TEX9: variants seen among roughly 807,000 people sequenced by gnomAD.
TEX9 encodes testis-expressed protein 9.
In TEX9, 74 loss-of-function variants were observed where a neutral mutation model predicts 59.6. That is an observed-to-expected ratio of 1.24 (90% CI 1.03 to 1.51). The LOEUF (loss-of-function observed/expected upper bound fraction) is 1.51, where lower values mean the gene tolerates loss of function less well. Ranked by LOEUF, TEX9 falls within the 40% of genes most tolerant of loss-of-function variation. TEX9 has a pLI of 0.00. For synonymous variants in TEX9, 186 were observed against 152.2 expected, an observed-to-expected ratio of 1.22 and a Z score of -1.64; for missense variants, 522 against 447.8, an observed-to-expected ratio of 1.17 and a Z score of -1.49.
intron 5 of TEX9, among the ~76,000 whole-genome samples, chr15:56,388,796 T>C (rs779278370): frequency 3.9e-5 from 6 of 151,984 alleles, no homozygotes; most frequent in Non-Finnish European, 8.8e-5. Flanking sequence ...TCCTGACGCT[T>C]AAATCTAGTA....
At chr15:56,247,815 CCTT>C (rs1202972919) in intron 1 of TEX9, among the ~76,000 whole-genome samples, 1 of 152,202 alleles carries the variant, frequency 6.6e-6, no homozygotes, top group Non-Finnish European at 1.5e-5. Context: ...ACCCTGTTCT[CCTT>C]CTTTCCCAAC....
chr15:56,401,320 A>C (rs1403286979), intron 9 of TEX9, among the ~76,000 whole-genome samples: 3 of 150,052 alleles, frequency 2.0e-5, no homozygotes, highest in African/African-American at 2.4e-5. Flanking sequence ...AAAAAAAAAA[A>C]AAAAAAAAAA....
intron 2 of TEX9, among the ~76,000 whole-genome samples, chr15:56,373,109 A>G (rs2047264749): frequency 1.3e-5 from 2 of 152,228 alleles, no homozygotes; most frequent in African/African-American, 2.4e-5. Context: ...CATTCTTTGC[A>G]GGTAGGCTAA....
intron 1 of TEX9, among the ~76,000 whole-genome samples, chr15:56,336,707 G>A (rs546351143): frequency 6.6e-6 from 1 of 152,296 alleles, no homozygotes; most frequent in South Asian, 2.1e-4. Flanking sequence ...TTGAATTGCA[G>A]TACAGTTGCA....
At chr15:56,305,410 G>C (rs1033031446) in intron 1 of TEX9, among the ~76,000 whole-genome samples, 1 of 152,024 alleles carries the variant, frequency 6.6e-6, no homozygotes, top group Non-Finnish European at 1.5e-5. Flanking sequence ...AAACAGCATG[G>C]TACCTGCAAA....
Position 56,270,467 on chromosome 15 carries a change from A to G in TEX9, c.-107+26189A>G, listed in dbSNP as rs571215668. ...TGTTTTATCAGAGACCAAGATTGCA[A>G]CCCCTGCTTTTTTCTTGCTTTGCGT... is the stretch of plus-strand genomic sequence containing the variant. On this transcript the variant is annotated intron_variant, in intron 1 of 5. Coordinates refer to the TEX9 transcript ENST00000560827. 2.6e-4 allele frequency among the ~76,000 whole-genome samples: 40 copies of G among 152,084 alleles called. 1 individual carries two copies. In the South Asian group the frequency reaches 8.1e-3, roughly 31 times the overall value.
At chr15:56,390,228 T>C (rs1310280584) in intron 6 of TEX9, among the ~76,000 whole-genome samples, 1 of 151,960 alleles carries the variant, frequency 6.6e-6, no homozygotes, top group Non-Finnish European at 1.5e-5. Flanking sequence ...GACTTCACAT[T>C]TTTTTAAAAA....
At chr15:56,420,305 T>C (rs1479177994) in intron 10 of TEX9, among the ~76,000 whole-genome samples, 1 of 151,500 alleles carries the variant, frequency 6.6e-6, no homozygotes, top group African/African-American at 2.4e-5. Context: ...TTTTTCTCTT[T>C]TCTCTTTTTT....
chr15:56,325,266 A>G (rs2045998388), intron 1 of TEX9, among the ~76,000 whole-genome samples: 1 of 152,218 alleles, frequency 6.6e-6, no homozygotes, highest in South Asian at 2.1e-4. Context: ...TTAATCCATC[A>G]GCTAGATAGT....
At chr15:56,365,368 C>T (rs1596119569), upstream of TEX9, 3 of 1,533,764 alleles carry the variant, frequency 2.0e-6, no homozygotes, top group South Asian at 1.3e-5. Flanking sequence ...GGCGTAGGCG[C>T]CCGGGCGGGA....
the TEX9 span, among the ~76,000 whole-genome samples, chr15:56,459,990 CAAAAAAAAA>C: frequency 1.8e-4 from 2 of 11,122 alleles, no homozygotes; most frequent in African/African-American, 9.0e-4. Flanking sequence ...AATTCTGTCT[CAAAAAAAAA>C]AAAAAAAAAA....
At chr15:56,372,488 A>G (rs1366406173) in intron 2 of TEX9, among the ~76,000 whole-genome samples, 11 of 152,224 alleles carry the variant, frequency 7.2e-5, no homozygotes, top group African/African-American at 2.7e-4. Context: ...GAAAAAAGTT[A>G]TATGCTTTTG....
intron 1 of TEX9, among the ~76,000 whole-genome samples, chr15:56,302,024 A>T (rs2045370850): frequency 6.6e-6 from 1 of 152,204 alleles, no homozygotes; most frequent in African/African-American, 2.4e-5. Flanking sequence ...AGAAACAACA[A>T]AATTAAAAAG....
At chr15:56,415,479 T>A (rs2049629262) in intron 10 of TEX9, among the ~76,000 whole-genome samples, 1 of 151,918 alleles carries the variant, frequency 6.6e-6, no homozygotes, top group Non-Finnish European at 1.5e-5. Context: ...CCAGCACCAT[T>A]TATTGAAGAG....
intron 12 of TEX9, chr15:56,428,787 C>G (rs991844969): frequency 2.8e-6 from 1 of 353,886 alleles, no homozygotes; most frequent in African/African-American, 2.1e-5. Context: ...TTCGTAAACA[C>G]AGACAGAAGG....
intron 1 of TEX9, among the ~76,000 whole-genome samples, chr15:56,275,230 G>A (rs2044641104): frequency 6.6e-6 from 1 of 152,126 alleles, no homozygotes; most frequent in South Asian, 2.1e-4. Flanking sequence ...GCTCACTTGT[G>A]GCCTAGGGAT....
chr15:56,324,435 T>A (rs1184717157), intron 1 of TEX9, among the ~76,000 whole-genome samples: 1 of 152,206 alleles, frequency 6.6e-6, no homozygotes, highest in African/African-American at 2.4e-5. Flanking sequence ...GTTACACACA[T>A]AAGTGGTGTG....
At chr15:56,297,736 A>T (rs530394159) in intron 1 of TEX9, among the ~76,000 whole-genome samples, 1 of 152,200 alleles carries the variant, frequency 6.6e-6, no homozygotes, top group Non-Finnish European at 1.5e-5. Flanking sequence ...AATGCCTGCC[A>T]TCAGGCAATC....
At chr15:56,302,451 A>T (rs146681868) in intron 1 of TEX9, among the ~76,000 whole-genome samples, 3 of 152,170 alleles carry the variant, frequency 2.0e-5, no homozygotes, top group African/African-American at 4.8e-5. Context: ...AGCCCAGGAG[A>T]TCAAGGCTGT....
Sources: gnomAD v4.1 joint callset for allele counts (sites outside exome capture counted in the v4.1 genomes callset) on GRCh38, gnomAD v4.1.1 for gene constraint, MANE v1.5 for transcripts, NCBI Gene and HGNC (gene_info 2026-07-23, HGNC 2026-07-21) for gene names.